MTSS1: variants seen among roughly 807,000 people sequenced by gnomAD.
MTSS1 encodes protein MTSS 1.
Under a neutral mutation model 79.0 loss-of-function variants are expected in MTSS1, and 18 were observed. That is an observed-to-expected ratio of 0.23 (90% confidence interval 0.16 to 0.34). The LOEUF (loss-of-function observed/expected upper bound fraction) is 0.34. MTSS1 is among the 10% of genes least tolerant of loss of function. The probability of loss-of-function intolerance (pLI) is 1.00; values close to 1 mark genes in which losing one functional copy is unlikely to be tolerated. For synonymous variants in MTSS1, 341 were observed against 368.6 expected (o/e 0.93, Z 0.86); for missense variants, 815 against 986.2 (o/e 0.83, Z 2.33).
chr8:124,594,517 G>A (rs1832418688), intron 3 of MTSS1, among the ~76,000 whole-genome samples: 1 of 152,110 alleles, frequency 6.6e-6, no homozygotes, highest in Non-Finnish European at 1.5e-5. Flanking sequence ...GCAACAGACT[G>A]AGACTCTGTC....
chr8:124,665,645 A>C (rs1388225861), intron 3 of MTSS1, among the ~76,000 whole-genome samples: 1 of 152,158 alleles, frequency 6.6e-6, no homozygotes, highest in African/African-American at 2.4e-5. Flanking sequence ...AGGCGGGTGG[A>C]TCACCTGAGG....
At chr8:124,592,628 C>G (rs1410032211) in intron 3 of MTSS1, among the ~76,000 whole-genome samples, 1 of 152,148 alleles carries the variant, frequency 6.6e-6, no homozygotes, top group African/African-American at 2.4e-5. Flanking sequence ...GTTTCTACAA[C>G]CAAATAATAG....
intron 3 of MTSS1, among the ~76,000 whole-genome samples, chr8:124,675,413 T>C (rs970866789): frequency 6.6e-6 from 1 of 152,200 alleles, no homozygotes; most frequent in Non-Finnish European, 1.5e-5. Flanking sequence ...ACCAAGTACA[T>C]CCAGGCTGAC....
At chr8:124,590,628 A>G (rs1220252997) in intron 4 of MTSS1, among the ~76,000 whole-genome samples, 1 of 152,156 alleles carries the variant, frequency 6.6e-6, no homozygotes, top group African/African-American at 2.4e-5. Flanking sequence ...TTGGAAAGCA[A>G]TGTCCATTTT....
At chr8:124,654,004 C>T (rs1820495380) in intron 3 of MTSS1, among the ~76,000 whole-genome samples, 1 of 152,196 alleles carries the variant, frequency 6.6e-6, no homozygotes, top group Non-Finnish European at 1.5e-5. Context: ...ACTTCCATCA[C>T]AGAGAAGTTA....
At chr8:124,660,793 A>G (rs1302886841) in intron 3 of MTSS1, among the ~76,000 whole-genome samples, 1 of 152,126 alleles carries the variant, frequency 6.6e-6, no homozygotes, top group Non-Finnish European at 1.5e-5. Flanking sequence ...CAACTCTCCC[A>G]TGCCTCTCTT....
intron 3 of MTSS1, among the ~76,000 whole-genome samples, chr8:124,666,850 G>A (rs765322737): frequency 1.2e-4 from 19 of 152,130 alleles, no homozygotes; most frequent in Middle Eastern, 3.4e-3. Flanking sequence ...AGGGAAGAGG[G>A]GTGATCAGAT....
Position 124,555,908 on chromosome 8 carries a change from C to A in MTSS1, c.1405-4G>T. The stretch of plus-strand genomic sequence containing the variant: ...AAGCCTCCATCTCCTCACCAGGCTG[C>A]AGGTTGGAGGAGAGAAATACACAGG... On this transcript the variant is annotated splice_region_variant and splice_polypyrimidine_tract_variant and intron_variant, in intron 12 of 13. Transcript: ENST00000518547. 3 of 1,604,882 alleles carry A rather than the reference C, an allele frequency of 1.9e-6. No homozygotes were observed. In the East Asian group the frequency reaches 6.7e-5, roughly 36 times the overall value.
In MTSS1 at chr8:124,555,920, GA is replaced by G. The variant is rs774925537; in HGVS notation, c.1405-17del. ...CCTCACCAGGCTGCAGGTTGGAGGA[GA>G]GAAATACACAGGTTGCTTTAGGGGG... On this transcript the variant is annotated splice_polypyrimidine_tract_variant and intron_variant, in intron 12 of 13. Transcript: ENST00000518547. 1.9e-5 allele frequency: 30 copies of G among 1,595,890 alleles called. No individual in the cohort carries two copies. The African/African-American group carries it at 4.0e-4, about 21-fold the overall frequency.
chr8:124,668,782 T>A (rs556625255), intron 3 of MTSS1, among the ~76,000 whole-genome samples: 1 of 152,302 alleles, frequency 6.6e-6, no homozygotes, highest in Admixed American at 6.5e-5. Context: ...CGACAGGATC[T>A]CACCCCAAAC....
intron 2 of MTSS1, among the ~76,000 whole-genome samples, chr8:124,703,220 G>T (rs55989724): frequency 0.26 from 38,844 of 152,032 alleles, 5,261 homozygotes; most frequent in East Asian, 0.5. Flanking sequence ...TCTCTCTAAA[G>T]ATATGCTTTT....
At chr8:124,653,425 C>T (rs1359322801) in intron 3 of MTSS1, among the ~76,000 whole-genome samples, 1 of 152,120 alleles carries the variant, frequency 6.6e-6, no homozygotes, top group Non-Finnish European at 1.5e-5. Flanking sequence ...ATCATATTTG[C>T]TAACTTATAA....
chr8:124,642,772 T>C (rs1210409019), intron 3 of MTSS1, among the ~76,000 whole-genome samples: 1 of 152,164 alleles, frequency 6.6e-6, no homozygotes, highest in Non-Finnish European at 1.5e-5. Context: ...TTTGTGTTTT[T>C]AGTAGAGACA....
intron 3 of MTSS1, among the ~76,000 whole-genome samples, chr8:124,644,121 C>T (rs554603361): frequency 3.9e-5 from 6 of 152,248 alleles, no homozygotes; most frequent in African/African-American, 1.4e-4. Flanking sequence ...TGGTCATTTC[C>T]TTTAAGACCT....
At chr8:124,590,692 A>G (rs1178141901) in intron 4 of MTSS1, among the ~76,000 whole-genome samples, 1 of 152,146 alleles carries the variant, frequency 6.6e-6, no homozygotes, top group Non-Finnish European at 1.5e-5. Context: ...TTTCTTCCCT[A>G]TTCTGGATGC....
At chr8:124,716,658 C>T (rs150546659) in intron 1 of MTSS1, among the ~76,000 whole-genome samples, 1 of 152,304 alleles carries the variant, frequency 6.6e-6, no homozygotes, top group Non-Finnish European at 1.5e-5. Flanking sequence ...AACCCATTCT[C>T]CAGGGACACT....
At chr8:124,721,411 A>ATTTT (rs71289689) in intron 1 of MTSS1, among the ~76,000 whole-genome samples, 66,230 of 126,990 alleles carry the variant, frequency 0.52, 19,218 homozygotes, top group Non-Finnish European at 0.61. Context: ...TTTAACTCTA[A>ATTTT]TTTTTTTTTT....
At chr8:124,705,363 C>A (rs761074468) in intron 1 of MTSS1, among the ~76,000 whole-genome samples, 1 of 152,086 alleles carries the variant, frequency 6.6e-6, no homozygotes, top group Non-Finnish European at 1.5e-5. Context: ...CCCAGCTACT[C>A]AGGAGGCTGA....
Position 124,551,125 on chromosome 8 carries a change from A to T in MTSS1, c.*1867T>A, listed in dbSNP as rs1822454313. ...ACTAAACAAGTGAAAAGCTGTACCA[A>T]GGTACAGTTACATCCATTTATTTCA... On this transcript the variant is annotated 3_prime_UTR_variant, in exon 14 of 14. Coordinates refer to ENST00000518547, the MANE Select transcript of MTSS1 (RefSeq NM_014751.6). The T allele has an allele frequency of 6.6e-6, 1 of 152,614 alleles. No individual in the cohort carries two copies. Among genetic ancestry groups the T allele is most frequent in the South Asian group, 2.1e-4 (1 of 4,836 alleles). The allele number at this position is 152,614 out of a possible 1,614,324, so 9.5% of individuals were successfully genotyped here.
Sources: gnomAD v4.1 joint callset for allele counts (sites outside exome capture counted in the v4.1 genomes callset) on GRCh38, gnomAD v4.1.1 for gene constraint, MANE v1.5 for transcripts, NCBI Gene and HGNC (gene_info 2026-07-23, HGNC 2026-07-21) for gene names.